FAN1: variants seen among roughly 807,000 people sequenced by gnomAD.
The protein encoded by FAN1 is FANCD2 and FANCI associated nuclease 1.
A neutral mutation model predicts 104.9 loss-of-function variants in FAN1; 91 were observed. The observed-to-expected ratio is 0.87, with a 90% CI of 0.73 to 1.03. The LOEUF (loss-of-function observed/expected upper bound fraction) is 1.03. FAN1 is among the 50% of genes least tolerant of loss of function. FAN1 has a pLI of 0.00. For synonymous variants in FAN1, 478 were observed against 457.6 expected (o/e 1.04, Z -0.57); for missense variants, 1,263 against 1,239.9 (o/e 1.02, Z -0.28).
chr15:30,918,560 A>G (rs539875038), intron 6 of FAN1, among the ~76,000 whole-genome samples: 58 of 152,310 alleles, frequency 3.8e-4, no homozygotes, highest in African/African-American at 1.4e-3. Flanking sequence ...TCGCATGCCA[A>G]CTGTAGGAGT....
chr15:30,930,274 C>T (rs1796785331), intron 12 of FAN1, among the ~76,000 whole-genome samples: 1 of 151,928 alleles, frequency 6.6e-6, no homozygotes, highest in African/African-American at 2.4e-5. Context: ...CCTCCACATC[C>T]CTCTTCCTCA....
At chr15:30,937,317 C>T (rs922069203) in intron 14 of FAN1, 58 bp downstream of exon 14, 1 of 1,504,660 alleles carries the variant, frequency 6.6e-7, no homozygotes, top group East Asian at 2.3e-5. Context: ...GAGTATAAAA[C>T]ATGTTTTATT....
rs752670676 is a variant in FAN1, at chr15:30,905,906, C to T, written c.1234+9C>T. 18 of 1,603,318 alleles carry T rather than the reference C, an allele frequency of 1.1e-5. No individual in the cohort carries two copies. The highest frequency in any genetic ancestry group is 7.8e-5 in the South Asian group (7 of 90,078). On this transcript the variant is annotated intron_variant, in intron 2 of 14. Transcript: ENST00000362065. The stretch of plus-strand genomic sequence containing the variant: ...ATTTTATCAGTTATCAGGTATCTTA[C>T]GCACGTGTTTGTTTTCAAGTTTTCA...
chr15:30,939,088 C>G (rs2062952106), intron 14 of FAN1: 1 of 985,326 alleles, frequency 1.0e-6, no homozygotes, highest in Non-Finnish European at 1.2e-6. Context: ...CTCGGGAAAT[C>G]AAGTTTTAAC....
chr15:30,914,060 C>A lies in FAN1; in HGVS notation c.1780C>A (p.His594Asn), dbSNP rs1958746562. The change falls in exon 5 of 15, where the codon CAC becomes AAC. Residue 594 changes from histidine to asparagine, a missense_variant. Coordinates refer to ENST00000362065, the MANE Select transcript of FAN1 (RefSeq NM_014967.5). ...FPSYTINRKT[H>N]IFQDRDDLIR... ...TAGTTACACCATCAATCGGAAAACC[C>A]ACATCTTCCAAGACAGAGATGATCT... 6.2e-7 allele frequency: 1 copy of A among 1,613,760 alleles called. No individual in the cohort carries two copies. The highest frequency in any genetic ancestry group is 1.7e-5 in the Admixed American group (1 of 59,994).
chr15:30,921,740 A>G (rs574232939), intron 7 of FAN1, among the ~76,000 whole-genome samples: 4 of 152,322 alleles, frequency 2.6e-5, no homozygotes, highest in African/African-American at 7.2e-5. Flanking sequence ...AACAAACAGA[A>G]TGACCGAACA....
At chr15:30,921,622 C>T (rs1457871938) in intron 7 of FAN1, among the ~76,000 whole-genome samples, 1 of 152,018 alleles carries the variant, frequency 6.6e-6, no homozygotes, top group African/African-American at 2.4e-5. Context: ...GATGGGTGGG[C>T]TTTGGGGAAA....
In FAN1 at chr15:30,925,775, T is replaced by C. The variant is rs766549428; in HGVS notation, c.2338-14T>C. The C allele has an allele frequency of 6.2e-7, 1 of 1,613,880 alleles. No homozygotes were observed. Among genetic ancestry groups the C allele is most frequent in the Admixed American group, 1.7e-5 (1 of 60,028 alleles). ...GACCTGAGGCTAATAGATGTTATTC[T>C]GCTGCTGTTTCAGGTGACCATCACA... On this transcript the variant is annotated splice_polypyrimidine_tract_variant and intron_variant, in intron 9 of 14. Coordinates refer to ENST00000362065, the MANE Select transcript of FAN1 (RefSeq NM_014967.5).
intron 13 of FAN1, among the ~76,000 whole-genome samples, chr15:30,934,430 C>A (rs2062798201): frequency 6.6e-6 from 1 of 152,102 alleles, no homozygotes; most frequent in African/African-American, 2.4e-5. Context: ...TTATTGATAT[C>A]CTTAGCTTTA....
At position 30,905,754 on chromosome 15, in the gene FAN1, A is replaced by G. The variant is rs2061963138; in HGVS notation, c.1091A>G (p.Asn364Ser). 6.2e-7 allele frequency: 1 copy of G among 1,614,184 alleles called. No individual in the cohort carries two copies. The highest frequency in any genetic ancestry group is 8.5e-7 in the Non-Finnish European group (1 of 1,180,026). ...CCTTTGGAGCAGGGGTCAAGCTGCA[A>G]TGGTCCTGGTCAAACAACCGGTCAT... ...SIPLEQGSSC[N>S]GPGQTTGHPY... The change falls in exon 2 of 15, where the codon AAT becomes AGT. Residue 364 changes from asparagine to serine, a missense_variant. This residue lies in a region of FAN1 where 682 missense variants were observed against 571.1 expected (regional missense o/e 1.19). Coordinates refer to ENST00000362065, the MANE Select transcript of FAN1 (RefSeq NM_014967.5).
Position 30,910,739 on chromosome 15 carries a change from C to A in FAN1, c.1501C>A (p.Leu501Ile), listed in dbSNP as rs1353908882. Residue 501 changes from leucine (L) to isoleucine (I), a missense_variant, in exon 4 of 15, where the codon CTC (leucine) becomes ATC (isoleucine). This residue lies in a region of FAN1 where 581 missense variants were observed against 668.8 expected (regional missense o/e 0.87). Transcript: ENST00000362065. ...GQKQQLVDAF[L>I]KLAKQRSVCT... is the part of the protein sequence containing the mutation. Reference sequence around the variant, plus strand: ...GAAACAGCAGCTGGTGGACGCCTTTCTCAAATTGGCCAAACAGCGTTCAGT... The same window carrying A: ...GAAACAGCAGCTGGTGGACGCCTTTATCAAATTGGCCAAACAGCGTTCAGT... 2 of 1,614,112 alleles carry A rather than the reference C, an allele frequency of 1.2e-6. No individual in the cohort carries two copies. Among genetic ancestry groups the A allele is most frequent in the East Asian group, 4.5e-5 (2 of 44,860 alleles).
chr15:30,930,713 T>A (rs190074079), intron 13 of FAN1, 42 bp downstream of exon 13: 668 of 1,606,940 alleles, frequency 4.2e-4, no homozygotes, highest in South Asian at 8.5e-4. Context: ...GTAACCTTAT[T>A]AGCAACTGAA....
At chr15:30,911,820 T>A in intron 4 of FAN1, 1 of 505,124 alleles carries the variant, frequency 2.0e-6, no homozygotes, top group Non-Finnish European at 2.6e-6. Flanking sequence ...TCCCAGCACT[T>A]TGGGAGGCTG....
At position 30,936,091 on chromosome 15, in the gene FAN1, T is replaced by A. The variant is rs185899144; in HGVS notation, c.2917-1028T>A. Among the ~76,000 whole-genome samples the A allele has an allele frequency of 3.3e-3, 492 of 148,968 alleles. 2 individuals carry two copies. Among genetic ancestry groups the A allele is most frequent in the African/African-American group, 0.011 (452 of 41,140 alleles). The stretch of plus-strand genomic sequence containing the variant: ...GCTGCTAAATGCTGTATTTAAACAA[T>A]TTTTTTCTATATTTTACCTATAGTT... On this transcript the variant is annotated intron_variant, in intron 13 of 14. Coordinates refer to ENST00000362065, the MANE Select transcript of FAN1 (RefSeq NM_014967.5).
rs529748832 is a variant in FAN1 at position 30,941,259 on chromosome 15, A to C, written c.*4-307A>C. 23 of 1,466,824 alleles carry C rather than the reference A, an allele frequency of 1.6e-5. No homozygotes were observed. In the East Asian group the frequency reaches 5.8e-4, roughly 37 times the overall value. 90.9% of individuals were successfully genotyped at this position (1,466,824 alleles called of 1,614,324 possible). On this transcript the variant is annotated intron_variant, in intron 14 of 14. Transcript: ENST00000362065. Reference sequence around the variant, plus strand: ...CACGGTTACAAGAGCCAGACCTGTAATGACAGAAAGAGGACAGGAACAAAA... The same window carrying C: ...CACGGTTACAAGAGCCAGACCTGTACTGACAGAAAGAGGACAGGAACAAAA...
chr15:30,913,407 A>C (rs1366038837), intron 4 of FAN1, among the ~76,000 whole-genome samples: 2 of 152,244 alleles, frequency 1.3e-5, no homozygotes, highest in South Asian at 2.1e-4. Context: ...AAACTTTGGC[A>C]TATACATTTG....
chr15:30,931,742 G>T (rs931510108), intron 13 of FAN1, among the ~76,000 whole-genome samples: 1 of 152,048 alleles, frequency 6.6e-6, no homozygotes, highest in Non-Finnish European at 1.5e-5. Flanking sequence ...ATATATGTGG[G>T]TCTGTTTCTA....
At chr15:30,935,472 C>A (rs1384678531) in intron 13 of FAN1, among the ~76,000 whole-genome samples, 1 of 151,982 alleles carries the variant, frequency 6.6e-6, no homozygotes, top group Non-Finnish European at 1.5e-5. Flanking sequence ...GTAACTACAA[C>A]AATAAACAAA....
At chr15:30,937,408 CTTG>C in intron 14 of FAN1, 149 bp downstream of exon 14, 3 of 624,190 alleles carry the variant, frequency 4.8e-6, no homozygotes, top group Non-Finnish European at 7.8e-6. Flanking sequence ...ACAGTGTTTG[CTTG>C]AATACACTCA....
Sources: gnomAD v4.1 joint callset for allele counts (sites outside exome capture counted in the v4.1 genomes callset) on GRCh38, gnomAD v4.1.1 for gene constraint, gnomAD v4.1.1 regional missense constraint, MANE v1.5 for transcripts, NCBI Gene and HGNC (gene_info 2026-07-23, HGNC 2026-07-21) for gene names.